Variants in NRXN1 observed in about 807,000 individuals in gnomAD.
The protein encoded by NRXN1 is neurexin-1.
NRXN1 carries 39 observed loss-of-function variants against 150.9 expected under a neutral mutation model. That is an observed-to-expected ratio of 0.26 (90% confidence interval 0.20 to 0.34). NRXN1 has a LOEUF of 0.34. Ranked by LOEUF, NRXN1 falls within the 10% of genes least tolerant of loss-of-function variation. NRXN1 has a pLI of 1.00. For missense variants in NRXN1, 1,815 were observed against 1,949.9 expected (o/e 0.93, Z 1.30); for synonymous variants, 924 against 757.0 (o/e 1.22, Z -3.62).
chr2:50,934,294 C>T (rs542507506), intron 2 of NRXN1, among the ~76,000 whole-genome samples: 1 of 152,128 alleles, frequency 6.6e-6, no homozygotes, highest in South Asian at 2.1e-4. Context: ...ATAAGATCAT[C>T]AATAATAACA....
intron 18 of NRXN1, among the ~76,000 whole-genome samples, chr2:50,228,445 G>A (rs1348684059): frequency 6.7e-6 from 1 of 149,140 alleles, no homozygotes; most frequent in Non-Finnish European, 1.5e-5. Context: ...TCGTGTAGAT[G>A]AGTGGGTGAT....
chr2:50,001,438 G>C (rs2152534017), intron 21 of NRXN1, among the ~76,000 whole-genome samples: 1 of 152,122 alleles, frequency 6.6e-6, no homozygotes, highest in African/African-American at 2.4e-5. Flanking sequence ...AAATATTAAA[G>C]TATGTAAAGC....
At chr2:50,064,608 A>T (rs963463885) in intron 19 of NRXN1, among the ~76,000 whole-genome samples, 2 of 152,136 alleles carry the variant, frequency 1.3e-5, no homozygotes, top group Non-Finnish European at 2.9e-5. Flanking sequence ...GATGAATTTT[A>T]GTGGTGAATT....
intron 21 of NRXN1, chr2:49,974,116 A>C (rs1277278011): frequency 1.4e-6 from 1 of 716,096 alleles, no homozygotes; most frequent in East Asian, 2.7e-5. Flanking sequence ...TCCCTGACTC[A>C]GTGGGAGATC....
At chr2:50,795,461 T>C (rs1706683098) in intron 5 of NRXN1, among the ~76,000 whole-genome samples, 1 of 152,110 alleles carries the variant, frequency 6.6e-6, no homozygotes, top group South Asian at 2.1e-4. Context: ...CACTCCAACC[T>C]GGAAGATTGC....
At chr2:50,361,694 T>A (rs1480953118) in intron 17 of NRXN1, among the ~76,000 whole-genome samples, 1 of 152,194 alleles carries the variant, frequency 6.6e-6, no homozygotes, top group Non-Finnish European at 1.5e-5. Context: ...GTACCATTCC[T>A]TCTGAAACTA....
intron 15 of NRXN1, among the ~76,000 whole-genome samples, chr2:50,478,277 A>G (rs114700483): frequency 1.1e-4 from 16 of 152,352 alleles, no homozygotes; most frequent in Non-Finnish European, 2.1e-4. Flanking sequence ...ACTAAAAGAA[A>G]AAGCATGGGA....
rs1698021406 is a variant in NRXN1 at position 50,988,295 on chromosome 2, A to G, written c.772+39207T>C. On this transcript the variant is annotated intron_variant, in intron 2 of 22. Coordinates refer to ENST00000401669, the MANE Select transcript of NRXN1 (RefSeq NM_001330078.2). ...TCATTATTTATTAACTCATCTAGTA[A>G]AGTACTCACCTTGAAATAATATAGA... Among the ~76,000 whole-genome samples, 6 of 152,088 alleles carry G rather than the reference A, an allele frequency of 3.9e-5. No individual in the cohort carries two copies. The South Asian group carries it at 1.2e-3, about 32-fold the overall frequency.
chr2:50,087,016 A>G (rs1204217736), intron 19 of NRXN1, among the ~76,000 whole-genome samples: 3 of 152,106 alleles, frequency 2.0e-5, no homozygotes, highest in Non-Finnish European at 4.4e-5. Context: ...TGTCTCTATC[A>G]TTTCCTGCTA....
In NRXN1 at chr2:50,497,540, C is replaced by T. The variant is rs1224769867; in HGVS notation, c.2672G>A (p.Cys891Tyr). The change falls in exon 14 of 23, where the codon TGT (cysteine) becomes TAT (tyrosine). Residue 891 changes from cysteine (C) to tyrosine (Y), a missense_variant. Coordinates refer to ENST00000401669, the MANE Select transcript of NRXN1 (RefSeq NM_001330078.2). Reference protein sequence around the residue: ...DLCKNGDIDYCELNARFGFRN... With the variant: ...DLCKNGDIDYYELNARFGFRN... ...GAAGCCAAATCTGGCATTAAGCTCA[C>T]AGTAATCTATGTCGCCATTTTTACA... The T allele has an allele frequency of 6.2e-7, 1 of 1,613,878 alleles. No homozygotes were observed. The highest frequency in any genetic ancestry group is 2.2e-5 in the East Asian group (1 of 44,868).
intron 5 of NRXN1, among the ~76,000 whole-genome samples, chr2:50,798,773 GCAATAGTTTA>G (rs1482785246): frequency 1.2e-4 from 18 of 152,128 alleles, no homozygotes; most frequent in Admixed American, 1.2e-3. Flanking sequence ...TCTCTTTTGA[GCAATAGTTTA>G]CAAAGCCATT....
chr2:50,934,225 A>G (rs1394665151), intron 2 of NRXN1, among the ~76,000 whole-genome samples: 2 of 152,144 alleles, frequency 1.3e-5, no homozygotes, highest in African/African-American at 2.4e-5. Flanking sequence ...CTCAATAAAA[A>G]TATTTTTTCT....
intron 5 of NRXN1, among the ~76,000 whole-genome samples, chr2:50,739,608 C>G (rs1699190046): frequency 6.6e-6 from 1 of 152,162 alleles, no homozygotes; most frequent in Non-Finnish European, 1.5e-5. Flanking sequence ...GCTACTTACT[C>G]TATTGCATTG....
rs569076503 is a variant in NRXN1, at chr2:51,006,208, T to C, written c.772+21294A>G. The stretch of plus-strand genomic sequence containing the variant: ...TTCCTTTCCATTTAAGACCTACCTA[T>C]GCAGCCATAAAAAATGATGAGTTCA... On this transcript the variant is annotated intron_variant, in intron 2 of 22. Coordinates refer to ENST00000401669, the MANE Select transcript of NRXN1 (RefSeq NM_001330078.2). Among the ~76,000 whole-genome samples the C allele has an allele frequency of 6.6e-5, 10 of 151,832 alleles. No individual in the cohort carries two copies. In the East Asian group the frequency reaches 2.0e-3, roughly 30 times the overall value.
At chr2:50,494,291 A>G (rs1404404515) in intron 15 of NRXN1, among the ~76,000 whole-genome samples, 1 of 152,134 alleles carries the variant, frequency 6.6e-6, no homozygotes, top group Non-Finnish European at 1.5e-5. Context: ...AAGTTCACTT[A>G]TACTTACTGA....
chr2:50,427,588 C>A (rs1572931764), intron 17 of NRXN1, among the ~76,000 whole-genome samples: 1 of 152,138 alleles, frequency 6.6e-6, no homozygotes, highest in Non-Finnish European at 1.5e-5. Context: ...CTGCTATCTT[C>A]CTCTTTCTCT....
chr2:50,097,806 A>G (rs1176897642), intron 18 of NRXN1, among the ~76,000 whole-genome samples: 1 of 152,086 alleles, frequency 6.6e-6, no homozygotes, highest in Non-Finnish European at 1.5e-5. Flanking sequence ...CGCCCAGCTA[A>G]TAATGTATTT....
intron 5 of NRXN1, among the ~76,000 whole-genome samples, chr2:50,763,212 A>G (rs139338083): frequency 1.3e-5 from 2 of 152,090 alleles, no homozygotes; most frequent in African/African-American, 4.8e-5. Flanking sequence ...TGGTGTTACT[A>G]TTAATTAGTC....
chr2:50,818,722 GA>G (rs1175294627), intron 5 of NRXN1, among the ~76,000 whole-genome samples: 1 of 151,990 alleles, frequency 6.6e-6, no homozygotes, highest in East Asian at 1.9e-4. Context: ...GGAAATGAGT[GA>G]AAAGGCAATC....
Sources: allele counts gnomAD v4.1 joint callset (sites outside exome capture counted in the v4.1 genomes callset), GRCh38; gene constraint gnomAD v4.1.1; transcripts MANE v1.5; gene names NCBI Gene and HGNC (gene_info 2026-07-23, HGNC 2026-07-21).